Variants in PARD3B observed in about 807,000 individuals in gnomAD.
PARD3B encodes par-3 family cell polarity regulator beta, also known as partitioning defective 3 homolog B.
PARD3B carries 103 observed loss-of-function variants against 130.2 expected under a neutral mutation model. The ratio of observed to expected loss-of-function variants is 0.79; its 90% CI spans 0.67 to 0.93. The LOEUF is 0.93. Ranked by LOEUF, PARD3B falls within the 40% of genes least tolerant of loss-of-function variation. PARD3B has a pLI of 0.00. For synonymous variants in PARD3B, 583 were observed against 553.2 expected (o/e 1.05, Z -0.76); for missense variants, 1,609 against 1,499.2 (o/e 1.07, Z -1.21).
At chr2:204,698,244 T>A (rs181753504) in intron 2 of PARD3B, among the ~76,000 whole-genome samples, 1 of 152,172 alleles carries the variant, frequency 6.6e-6, no homozygotes, top group Non-Finnish European at 1.5e-5. Flanking sequence ...GGGCTCCTCT[T>A]TATTTCCATT....
At chr2:204,592,496 G>A (rs954844621) in intron 1 of PARD3B, among the ~76,000 whole-genome samples, 3 of 152,074 alleles carry the variant, frequency 2.0e-5, no homozygotes, top group African/African-American at 4.8e-5. Flanking sequence ...AATAAAATAG[G>A]CAGCTATACC....
chr2:205,339,153 T>G (rs1376840348), intron 18 of PARD3B, among the ~76,000 whole-genome samples: 2 of 152,212 alleles, frequency 1.3e-5, no homozygotes, highest in African/African-American at 4.8e-5. Context: ...ATATAGTATT[T>G]TTTTGTTTTG....
intron 2 of PARD3B, among the ~76,000 whole-genome samples, chr2:204,751,020 C>G (rs1017712495): frequency 6.6e-6 from 1 of 152,132 alleles, no homozygotes; most frequent in African/African-American, 2.4e-5. Context: ...TATTCTATGC[C>G]TGTGGAAAAG....
At chr2:205,529,907 C>T (rs756990238) in intron 21 of PARD3B, among the ~76,000 whole-genome samples, 2 of 152,106 alleles carry the variant, frequency 1.3e-5, no homozygotes, top group East Asian at 1.9e-4. Context: ...GGTCCATGCC[C>T]GTGGGCTCTG....
At chr2:205,108,478 TCTC>T (rs1160999760) in intron 5 of PARD3B, among the ~76,000 whole-genome samples, 1 of 152,036 alleles carries the variant, frequency 6.6e-6, no homozygotes, top group Non-Finnish European at 1.5e-5. Context: ...CCTTCTTCTT[TCTC>T]CTCGTTATTC....
At position 205,300,452 on chromosome 2, in the gene PARD3B, G is replaced by A; in HGVS notation, c.2186-78G>A. On this transcript the variant is annotated intron_variant, in intron 16 of 22. Transcript: ENST00000406610. This position sits in a 1 kb window ranked among gnomAD's most constrained non-coding sequence, Gnocchi z 4.1. ...ACCCCTTTTTTGGGATGTCCAGACA[G>A]AAATATTCTTAGAACAATAGCATTA... is the stretch of plus-strand genomic sequence containing the variant. 1 of 1,365,228 alleles carries A rather than the reference G, an allele frequency of 7.3e-7. No individual in the cohort carries two copies. Among genetic ancestry groups the A allele is most frequent in the South Asian group, 1.2e-5 (1 of 81,290 alleles). The allele number at this position is 1,365,228 out of a possible 1,614,324, so 84.6% of individuals were successfully genotyped here. A position where few individuals can be genotyped will look rare whatever the true frequency, so the allele number is the denominator to read the frequency against.
chr2:204,927,723 T>C (rs1009153412), intron 2 of PARD3B, among the ~76,000 whole-genome samples: 5 of 152,146 alleles, frequency 3.3e-5, no homozygotes, highest in African/African-American at 1.2e-4. Context: ...TCATGACTTT[T>C]TCTGTAGCCC....
intron 2 of PARD3B, among the ~76,000 whole-genome samples, chr2:204,942,385 A>G (rs921401913): frequency 6.6e-6 from 1 of 152,202 alleles, no homozygotes; most frequent in African/African-American, 2.4e-5. Context: ...GTGATTTAGT[A>G]TAAATTCCTT....
rs968857540 is a variant in PARD3B at position 205,563,319 on chromosome 2, G to GT, written c.3260+9917dup. Reference sequence around the variant, plus strand: ...TATGTCTGTACGTTTTGCATGCCTTGTCTCATTTTATCCTCACTGTCCAGC... The same window carrying GT: ...TATGTCTGTACGTTTTGCATGCCTTGTTCTCATTTTATCCTCACTGTCCAGC... On this transcript the variant is annotated intron_variant, in intron 22 of 22. Coordinates refer to ENST00000406610, the MANE Select transcript of PARD3B (RefSeq NM_001302769.2). This position sits in a 1 kb window ranked among gnomAD's most constrained non-coding sequence, Gnocchi z 4.2. 6.6e-6 allele frequency among the ~76,000 whole-genome samples: 1 copy of GT among 152,176 alleles called. No homozygotes were observed.
At chr2:205,123,303 A>C (rs2030978701) in intron 8 of PARD3B, among the ~76,000 whole-genome samples, 1 of 152,226 alleles carries the variant, frequency 6.6e-6, no homozygotes, top group African/African-American at 2.4e-5. Context: ...ATTGCTAGAA[A>C]TTAGAATTTT....
Position 205,550,077 on chromosome 2 carries a change from T to C in PARD3B, c.3181-3247T>C, listed in dbSNP as rs1031499321. Among the ~76,000 whole-genome samples, 1 of 152,178 alleles carries C rather than the reference T, an allele frequency of 6.6e-6. No homozygotes were observed. The highest frequency in any genetic ancestry group is 2.4e-5 in the African/African-American group (1 of 41,452). On this transcript the variant is annotated intron_variant, in intron 21 of 22. Coordinates refer to ENST00000406610, the MANE Select transcript of PARD3B (RefSeq NM_001302769.2). This position sits in a 1 kb window ranked among gnomAD's most constrained non-coding sequence, Gnocchi z 4.5. ...TTTCTACCTTTGCAAAATCTTCAAA[T>C]TCCCTGAAGACACAGTGCTTTCGAT...
intron 2 of PARD3B, among the ~76,000 whole-genome samples, chr2:204,880,428 G>A (rs750105037): frequency 9.9e-5 from 15 of 151,970 alleles, no homozygotes; most frequent in Non-Finnish European, 1.8e-4. Context: ...TTGGGAGGCC[G>A]AGGTGGGCGG....
In PARD3B at chr2:204,907,555, T is replaced by C. The variant is rs78678852; in HGVS notation, c.223-57597T>C. Among the ~76,000 whole-genome samples the C allele has an allele frequency of 0.059, 8,961 of 152,220 alleles. 304 individuals are homozygous for C. Among genetic ancestry groups the C allele is most frequent in the Middle Eastern group, 0.11 (31 of 294 alleles). On this transcript the variant is annotated intron_variant, in intron 2 of 22. Coordinates refer to ENST00000406610, the MANE Select transcript of PARD3B (RefSeq NM_001302769.2). The surrounding 1 kb of genome is among the most constrained non-coding windows in gnomAD (Gnocchi z 5.7). ...ACTCTGGGTGGTAATGCAAGGCACA[T>C]TGGGGGCTCAGCCAAAGCCTTAGTT...
intron 2 of PARD3B, among the ~76,000 whole-genome samples, chr2:204,856,831 A>T (rs920794807): frequency 3.3e-5 from 5 of 152,146 alleles, no homozygotes; most frequent in Non-Finnish European, 5.9e-5. Context: ...GTCATAATTT[A>T]CTATAAATAC....
intron 21 of PARD3B, among the ~76,000 whole-genome samples, chr2:205,505,337 A>C (rs916235189): frequency 5.9e-5 from 9 of 152,168 alleles, no homozygotes; most frequent in Admixed American, 4.6e-4. Flanking sequence ...ACATGTATAC[A>C]TATGTAACAA....
intron 11 of PARD3B, among the ~76,000 whole-genome samples, chr2:205,167,774 G>A (rs1204442330): frequency 6.6e-6 from 1 of 152,226 alleles, no homozygotes; most frequent in Non-Finnish European, 1.5e-5. Flanking sequence ...ACCTGGCTAT[G>A]ACCATACCCT....
chr2:205,523,721 A>G (rs1467892838), intron 21 of PARD3B, among the ~76,000 whole-genome samples: 5 of 151,262 alleles, frequency 3.3e-5, no homozygotes, highest in Middle Eastern at 3.2e-3. Flanking sequence ...AGATCCTACT[A>G]TCTAGGGATT....
chr2:204,734,831 C>G (rs2039675861), intron 2 of PARD3B, among the ~76,000 whole-genome samples: 1 of 151,976 alleles, frequency 6.6e-6, no homozygotes, highest in Non-Finnish European at 1.5e-5. Context: ...GGTCACACAA[C>G]TCTATGCATC....
rs3077829 is a variant in PARD3B at position 205,575,084 on chromosome 2, G to GACACACACAC, written c.3260+21702_3260+21711dup. Among the ~76,000 whole-genome samples the GACACACACAC allele has an allele frequency of 3.7e-3, 472 of 128,570 alleles. 3 individuals are homozygous for GACACACACAC. Among genetic ancestry groups the GACACACACAC allele is most frequent in the African/African-American group, 8.9e-3 (337 of 37,784 alleles). 84.3% of individuals were successfully genotyped at this position (128,570 alleles called of 152,430 possible). On this transcript the variant is annotated intron_variant, in intron 22 of 22. Transcript: ENST00000406610. This position sits in a 1 kb window ranked among gnomAD's most constrained non-coding sequence, Gnocchi z 4.6. Reference sequence around the variant, plus strand: ...AATACATTATATACACATTTAAATAGACACACACACACACACACACACACA... The same window carrying GACACACACAC: ...AATACATTATATACACATTTAAATAGACACACACACACACACACACACACACACACACACA...
Sources: allele counts gnomAD v4.1 joint callset (sites outside exome capture counted in the v4.1 genomes callset), GRCh38; gene constraint gnomAD v4.1.1; non-coding constraint Gnocchi (gnomAD v3.1); transcripts MANE v1.5; gene names NCBI Gene and HGNC (gene_info 2026-07-23, HGNC 2026-07-21).